Variants in PATJ observed in about 807,000 individuals in gnomAD.
The protein encoded by PATJ is inaD-like protein.
A neutral mutation model predicts 224.9 loss-of-function variants in PATJ; 190 were observed. The ratio of observed to expected loss-of-function variants is 0.84; its 90% CI spans 0.75 to 0.95. The LOEUF is 0.95. Ranked by LOEUF, PATJ falls within the 40% of genes least tolerant of loss-of-function variation. The pLI is 0.00. For synonymous variants in PATJ, 769 were observed against 820.3 expected (o/e 0.94, Z 1.07); for missense variants, 2,121 against 2,270.3 (o/e 0.93, Z 1.34).
chr1:62,034,549 C>T (rs1649994657), intron 29 of PATJ, among the ~76,000 whole-genome samples: 1 of 152,044 alleles, frequency 6.6e-6, no homozygotes, highest in Admixed American at 6.6e-5. Flanking sequence ...CATCCAGGCC[C>T]CACTGCTTGT....
intron 33 of PATJ, among the ~76,000 whole-genome samples, chr1:62,099,549 G>A (rs1036579877): frequency 1.3e-5 from 2 of 151,772 alleles, no homozygotes; most frequent in Non-Finnish European, 2.9e-5. Context: ...TATGTGTAGG[G>A]AGTGCAGGTA....
chr1:61,921,762 G>A (rs1363621508), intron 26 of PATJ, among the ~76,000 whole-genome samples: 3 of 152,130 alleles, frequency 2.0e-5, no homozygotes, highest in Non-Finnish European at 4.4e-5. Flanking sequence ...ACAGATCAGG[G>A]GTTCCTTGGG....
rs931641014 is a variant in PATJ at position 61,987,116 on chromosome 1, C to T, written c.3671-3052C>T. 4.0e-5 allele frequency among the ~76,000 whole-genome samples: 6 copies of T among 151,684 alleles called. No homozygotes were observed. The East Asian group carries it at 1.2e-3, about 29-fold the overall frequency. The stretch of plus-strand genomic sequence containing the variant: ...TCTGTTTAAGATCTTGGGTTTTTTG[C>T]TAATATTAATTTATTTCTAAACACC... On this transcript the variant is annotated intron_variant, in intron 27 of 43. Coordinates refer to ENST00000642238, the MANE Select transcript of PATJ (RefSeq NM_001350145.3).
At chr1:61,771,708 A>T in intron 6 of PATJ, 82 bp downstream of exon 6, 1 of 1,023,930 alleles carries the variant, frequency 9.8e-7, no homozygotes, top group Non-Finnish European at 1.4e-6. Context: ...AGAAGGTGTC[A>T]TTTTACCTTT....
intron 7 of PATJ, among the ~76,000 whole-genome samples, chr1:61,780,292 C>T (rs1570444805): frequency 1.3e-5 from 2 of 151,988 alleles, no homozygotes; most frequent in South Asian, 4.2e-4. Context: ...GGTGAAACCC[C>T]GTCGCTACTA....
chr1:62,078,933 G>A (rs1658793332), intron 31 of PATJ: 1 of 152,734 alleles, frequency 6.5e-6, no homozygotes, highest in African/African-American at 2.4e-5. Context: ...GTAGGTGTTG[G>A]TTTTCTTTGT....
In PATJ at chr1:62,136,477, T is replaced by TTGTGTG. The variant is rs111398189; in HGVS notation, c.5271+7552_5271+7557dup. 8.1e-3 allele frequency among the ~76,000 whole-genome samples: 1,210 copies of TTGTGTG among 149,192 alleles called. 33 individuals carry two copies. Among genetic ancestry groups the TTGTGTG allele is most frequent in the East Asian group, 0.069 (352 of 5,106 alleles). ...ACCAAAGGCCAGGCATGGGCTTTTC[T>TTGTGTG]TGTGTGTGTGTGTGTGTGTGTGTGT... is the stretch of plus-strand genomic sequence containing the variant. On this transcript the variant is annotated intron_variant, in intron 41 of 43. Transcript: ENST00000642238.
At chr1:62,137,771 G>T (rs1300159648) in intron 41 of PATJ, among the ~76,000 whole-genome samples, 1 of 151,972 alleles carries the variant, frequency 6.6e-6, no homozygotes, top group East Asian at 1.9e-4. Context: ...TTCCGTAGGC[G>T]CAGAGGACAA....
intron 27 of PATJ, among the ~76,000 whole-genome samples, chr1:61,966,844 C>A (rs1432300950): frequency 1.3e-5 from 2 of 152,134 alleles, no homozygotes; most frequent in African/African-American, 4.8e-5. Flanking sequence ...GGGTAACTTC[C>A]TGATGTTACC....
intron 34 of PATJ, among the ~76,000 whole-genome samples, chr1:62,113,421 G>A (rs1405004995): frequency 2.0e-5 from 3 of 152,150 alleles, no homozygotes; most frequent in African/African-American, 4.8e-5. Context: ...AGGATCACCT[G>A]AGCCCAGGAG....
At chr1:61,817,650 A>C (rs1222282504) in intron 14 of PATJ, among the ~76,000 whole-genome samples, 1 of 152,196 alleles carries the variant, frequency 6.6e-6, no homozygotes, top group Non-Finnish European at 1.5e-5. Flanking sequence ...AACAAGAGCG[A>C]AACTCTGTCT....
intron 1 of PATJ, among the ~76,000 whole-genome samples, chr1:61,748,126 G>A (rs181010978): frequency 5.0e-4 from 75 of 151,316 alleles, no homozygotes; most frequent in Admixed American, 1.8e-3. Flanking sequence ...TGATCCACCC[G>A]CCTCGGCCTC....
intron 33 of PATJ, among the ~76,000 whole-genome samples, chr1:62,087,579 C>T (rs936446560): frequency 6.6e-6 from 1 of 151,838 alleles, no homozygotes; most frequent in Non-Finnish European, 1.5e-5. Flanking sequence ...ATTTCTCTGC[C>T]TCCTGTCCCT....
intron 20 of PATJ, among the ~76,000 whole-genome samples, chr1:61,868,256 C>A (rs188612282): frequency 2.6e-5 from 4 of 152,300 alleles, no homozygotes; most frequent in Admixed American, 2.0e-4. Context: ...TGCTACAGAT[C>A]TTATCATCCC....
intron 28 of PATJ, among the ~76,000 whole-genome samples, chr1:62,016,239 T>G (rs1428759508): frequency 2.0e-5 from 3 of 152,228 alleles, no homozygotes; most frequent in African/African-American, 4.8e-5. Flanking sequence ...TTTTAGATAG[T>G]TGAAAATACT....
intron 1 of PATJ, among the ~76,000 whole-genome samples, chr1:61,758,041 A>G (rs772892601): frequency 6.6e-6 from 1 of 152,104 alleles, no homozygotes; most frequent in Admixed American, 6.6e-5. Context: ...TGTTTTCCTC[A>G]TTCAGTTGTG....
At chr1:61,755,897 G>T (rs1248014834) in intron 1 of PATJ, among the ~76,000 whole-genome samples, 2 of 152,082 alleles carry the variant, frequency 1.3e-5, no homozygotes, top group East Asian at 3.9e-4. Context: ...TGCCTCCTGG[G>T]TTCAAGCGAT....
rs1222465059 is a variant in PATJ, at chr1:61,766,378, A to C, written c.289A>C (p.Arg97=). 3 of 1,611,466 alleles carry C rather than the reference A, an allele frequency of 1.9e-6. No individual in the cohort carries two copies. Among genetic ancestry groups the C allele is most frequent in the Non-Finnish European group, 2.5e-6 (3 of 1,178,446 alleles). The change falls in exon 4 of 44, where the codon AGG becomes CGG. Residue 97 remains arginine (R), a synonymous_variant. Transcript: ENST00000642238. The part of the protein sequence containing the change: ...DGSITNGNVH[R]PSNNSTVSGL... ...TTCCATCACTAATGGAAATGTCCAC[A>C]GGCCCTCTAATAACTCGACTGTATC...
chr1:61,857,900 G>GTTAAATTCTCTAGTTAAATTCAGTTAA (rs1375153924), intron 18 of PATJ, among the ~76,000 whole-genome samples: 4 of 152,058 alleles, frequency 2.6e-5, no homozygotes, highest in Non-Finnish European at 5.9e-5. Context: ...AGAGAATTCC[G>GTTAAATTCTCTAGTTAAATTCAGTTAA]AAGGTATTTT....
Sources: gnomAD v4.1 joint callset for allele counts (sites outside exome capture counted in the v4.1 genomes callset) on GRCh38, gnomAD v4.1.1 for gene constraint, MANE v1.5 for transcripts, NCBI Gene and HGNC (gene_info 2026-07-23, HGNC 2026-07-21) for gene names.